Variants in TNS3 observed in about 807,000 individuals in gnomAD.
TNS3 encodes tensin 3.
In TNS3, 45 loss-of-function variants were observed where a neutral mutation model predicts 140.9. That is an observed-to-expected ratio of 0.32 (90% CI 0.25 to 0.41). The LOEUF (loss-of-function observed/expected upper bound fraction) is 0.41, where lower values mean the gene tolerates loss of function less well. Ranked by LOEUF, TNS3 falls within the 10% of genes least tolerant of loss-of-function variation. The pLI is 1.00. For missense variants in TNS3, 1,716 were observed against 1,906.7 expected (o/e 0.90, Z 1.86); for synonymous variants, 815 against 788.4 (o/e 1.03, Z -0.56).
intron 17 of TNS3, among the ~76,000 whole-genome samples, chr7:47,359,152 G>A (rs1010904429): frequency 2.6e-5 from 4 of 152,170 alleles, no homozygotes; most frequent in African/African-American, 4.8e-5. Flanking sequence ...AGTCTCCATC[G>A]AGAGAGGAAT....
chr7:47,520,028 T>C (rs145859524), intron 2 of TNS3, among the ~76,000 whole-genome samples: 2,434 of 151,928 alleles, frequency 0.016, 73 homozygotes, highest in African/African-American at 0.056. Flanking sequence ...GGTTTCACCA[T>C]GTTATCCAGG....
At position 47,385,456 on chromosome 7, in the gene TNS3, C is replaced by T. The variant is rs1350438647; in HGVS notation, c.1024+11344G>A. Among the ~76,000 whole-genome samples, 7 of 152,298 alleles carry T rather than the reference C, an allele frequency of 4.6e-5. No homozygotes were observed. In the East Asian group the frequency reaches 1.4e-3, roughly 29 times the overall value. On this transcript the variant is annotated intron_variant, in intron 16 of 30. Transcript: ENST00000311160. ...CACGGAGCTGTGCCATCCAATTCAG[C>T]TCTGTATCTGCAGCATCCAGCACTG...
chr7:47,389,053 A>AGTG (rs1792286497), intron 16 of TNS3, among the ~76,000 whole-genome samples: 1 of 32,914 alleles, frequency 3.0e-5, no homozygotes, highest in African/African-American at 1.1e-4. Flanking sequence ...AAGAAGAAGA[A>AGTG]GAAGAAGAAG....
At chr7:47,490,239 T>G (rs1797761207) in intron 3 of TNS3, among the ~76,000 whole-genome samples, 1 of 152,184 alleles carries the variant, frequency 6.6e-6, no homozygotes, top group Non-Finnish European at 1.5e-5. Flanking sequence ...CTACATCTGA[T>G]CAGCCTATAA....
chr7:47,286,321 T>G (rs553992441), intron 27 of TNS3, among the ~76,000 whole-genome samples: 1 of 152,274 alleles, frequency 6.6e-6, no homozygotes, highest in South Asian at 2.1e-4. Context: ...ATGCAGGAAC[T>G]ATGTCATCAT....
At chr7:47,457,931 C>T (rs1215062238) in intron 4 of TNS3, among the ~76,000 whole-genome samples, 1 of 152,130 alleles carries the variant, frequency 6.6e-6, no homozygotes, top group African/African-American at 2.4e-5. Flanking sequence ...TGAACTTGCT[C>T]CTAGCAGCTC....
chr7:47,483,171 A>T (rs6946251), intron 3 of TNS3, among the ~76,000 whole-genome samples: 27 of 139,524 alleles, frequency 1.9e-4, no homozygotes, highest in African/African-American at 6.7e-4. Context: ...AGTGTGTCCA[A>T]TTTTTTTTTT....
chr7:47,332,243 G>C (rs1267378209), intron 20 of TNS3, among the ~76,000 whole-genome samples: 1 of 152,240 alleles, frequency 6.6e-6, no homozygotes, highest in Non-Finnish European at 1.5e-5. Context: ...AGAGGGGATG[G>C]AACTGTGGGG....
intron 12 of TNS3, among the ~76,000 whole-genome samples, chr7:47,412,079 C>T (rs1216583848): frequency 1.3e-5 from 2 of 152,126 alleles, no homozygotes; most frequent in Admixed American, 1.3e-4. Context: ...ACCATGCAGG[C>T]TTAGAGGAAG....
At chr7:47,395,298 G>C (rs1475481845) in intron 16 of TNS3, among the ~76,000 whole-genome samples, 1 of 152,166 alleles carries the variant, frequency 6.6e-6, no homozygotes, top group African/African-American at 2.4e-5. Context: ...AGGATGCTAA[G>C]TCAGCTGTCC....
At chr7:47,296,786 G>A (rs542758141) in intron 24 of TNS3, among the ~76,000 whole-genome samples, 4 of 149,514 alleles carry the variant, frequency 2.7e-5, no homozygotes, top group African/African-American at 7.2e-5. Context: ...GGGTGGTGAG[G>A]GGGGTAGAGC....
chr7:47,540,213 G>GAGGTTCTTCCCAGGAACAAAACA (rs1562843826), intron 1 of TNS3, among the ~76,000 whole-genome samples: 8 of 151,796 alleles, frequency 5.3e-5, no homozygotes, highest in Non-Finnish European at 1.2e-4. Context: ...GGAACAAAAT[G>GAGGTTCTTCCCAGGAACAAAACA]AGGTTCTTCC....
chr7:47,441,283 A>G (rs10261349), intron 5 of TNS3, among the ~76,000 whole-genome samples: 4,265 of 152,110 alleles, frequency 0.028, 114 homozygotes, highest in Admixed American at 0.053. Context: ...GGTTAAAGGG[A>G]TTCTCCTGCC....
chr7:47,363,868 T>A (rs185328887), intron 17 of TNS3, among the ~76,000 whole-genome samples: 14 of 152,312 alleles, frequency 9.2e-5, no homozygotes, highest in Non-Finnish European at 7.4e-5. Flanking sequence ...CTTTTGGACG[T>A]GCCAGAATCC....
chr7:47,289,276 C>A (rs559999166), intron 27 of TNS3, among the ~76,000 whole-genome samples: 22 of 152,248 alleles, frequency 1.4e-4, no homozygotes, highest in African/African-American at 5.3e-4. Context: ...ATTTCTAGTC[C>A]AATTTTCTAC....
At chr7:47,333,765 C>T (rs531960613) in intron 20 of TNS3, among the ~76,000 whole-genome samples, 1 of 152,184 alleles carries the variant, frequency 6.6e-6, no homozygotes, top group Non-Finnish European at 1.5e-5. Context: ...CCTCTTCTCA[C>T]GCTGTGTCTC....
At chr7:47,434,970 T>C (rs1795105279) in intron 8 of TNS3, among the ~76,000 whole-genome samples, 1 of 152,238 alleles carries the variant, frequency 6.6e-6, no homozygotes, top group Non-Finnish European at 1.5e-5. Flanking sequence ...GGGCTTTCCA[T>C]GAAAAATAAA....
intron 1 of TNS3, among the ~76,000 whole-genome samples, chr7:47,563,899 G>A (rs1160268638): frequency 1.3e-5 from 2 of 152,132 alleles, no homozygotes; most frequent in Non-Finnish European, 2.9e-5. Context: ...TTTTACATAT[G>A]ATTAACATTT....
intron 1 of TNS3, among the ~76,000 whole-genome samples, chr7:47,564,279 A>G (rs986380596): frequency 2.0e-5 from 3 of 152,038 alleles, no homozygotes; most frequent in African/African-American, 7.2e-5. Context: ...GGCTAATCCA[A>G]TCAGTTGAAG....
Sources: gnomAD v4.1 joint callset for allele counts (sites outside exome capture counted in the v4.1 genomes callset) on GRCh38, gnomAD v4.1.1 for gene constraint, MANE v1.5 for transcripts, NCBI Gene and HGNC (gene_info 2026-07-23, HGNC 2026-07-21) for gene names.